SPAG16: variants seen among roughly 807,000 people sequenced by gnomAD.
SPAG16 encodes sperm associated antigen 16.
SPAG16 carries 86 observed loss-of-function variants against 80.4 expected under a neutral mutation model. The ratio of observed to expected loss-of-function variants is 1.07; its 90% confidence interval spans 0.90 to 1.28. The LOEUF (loss-of-function observed/expected upper bound fraction) is 1.28. Ranked by LOEUF, SPAG16 falls within the 50% of genes most tolerant of loss-of-function variation. The pLI is 0.00. For missense variants in SPAG16, 870 were observed against 765.3 expected, an observed-to-expected ratio of 1.14 and a Z score of -1.61; for synonymous variants, 294 against 265.9, an observed-to-expected ratio of 1.11 and a Z score of -1.03.
intron 9 of SPAG16, among the ~76,000 whole-genome samples, chr2:213,486,786 G>A (rs1229435072): frequency 6.6e-6 from 1 of 151,960 alleles, no homozygotes; most frequent in East Asian, 1.9e-4. Context: ...GATTAATATA[G>A]AATTATTTCA....
chr2:213,519,168 TA>T (rs1343092211), intron 10 of SPAG16, among the ~76,000 whole-genome samples: 1 of 152,200 alleles, frequency 6.6e-6, no homozygotes, highest in African/African-American at 2.4e-5. Context: ...CCTCTGTATC[TA>T]AAAAAAGGTA....
At chr2:213,436,273 G>A (rs1270957663) in intron 9 of SPAG16, among the ~76,000 whole-genome samples, 1 of 152,196 alleles carries the variant, frequency 6.6e-6, no homozygotes, top group Non-Finnish European at 1.5e-5. Flanking sequence ...TTAAGAGTGA[G>A]GAGAAATATG....
intron 1 of SPAG16, among the ~76,000 whole-genome samples, chr2:213,293,625 T>C (rs893831963): frequency 4.6e-5 from 7 of 152,182 alleles, no homozygotes; most frequent in African/African-American, 1.7e-4. Flanking sequence ...TGGAAATGGA[T>C]CCTGTTGCCT....
chr2:214,387,121 T>G (rs995799393), intron 15 of SPAG16, among the ~76,000 whole-genome samples: 7 of 152,188 alleles, frequency 4.6e-5, no homozygotes, highest in Middle Eastern at 3.2e-3. Context: ...ATTTTAAGAT[T>G]TAGCTCAAAG....
chr2:214,172,519 G>C (rs1432349358), intron 15 of SPAG16, among the ~76,000 whole-genome samples: 4 of 152,074 alleles, frequency 2.6e-5, no homozygotes, highest in Admixed American at 2.6e-4. Context: ...ATTTGGGTTG[G>C]TTCCAAGTCT....
intron 10 of SPAG16, among the ~76,000 whole-genome samples, chr2:213,565,168 C>G (rs949333724): frequency 1.3e-5 from 2 of 152,136 alleles, no homozygotes; most frequent in African/African-American, 2.4e-5. Context: ...ATTTGTTTAC[C>G]TTCTCTTCTC....
intron 15 of SPAG16, among the ~76,000 whole-genome samples, chr2:214,347,619 T>C (rs544794166): frequency 6.6e-6 from 1 of 152,308 alleles, no homozygotes; most frequent in African/African-American, 2.4e-5. Flanking sequence ...TGCTAGACCA[T>C]AGTGCTTCTA....
chr2:213,756,713 C>T (rs562331908), intron 10 of SPAG16, among the ~76,000 whole-genome samples: 11 of 152,082 alleles, frequency 7.2e-5, no homozygotes, highest in South Asian at 4.2e-4. Flanking sequence ...TAAAATTTAA[C>T]GGCCTAGGAT....
At chr2:213,909,019 G>A (rs2077545929) in intron 11 of SPAG16, among the ~76,000 whole-genome samples, 1 of 150,822 alleles carries the variant, frequency 6.6e-6, no homozygotes, top group African/African-American at 2.4e-5. Context: ...GTGAGAACAT[G>A]CGGTGTTTGT....
In SPAG16 at chr2:213,334,160, A is replaced by C. The variant is rs562379928; in HGVS notation, c.537-6003A>C. On this transcript the variant is annotated intron_variant, in intron 5 of 15. Transcript: ENST00000331683. ...AAAAAAATGGACAAAAAATTTGAAC[A>C]GACTTTTCTCTAAAGACATACAAAT... Among the ~76,000 whole-genome samples, 14 of 152,322 alleles carry C rather than the reference A, an allele frequency of 9.2e-5. No homozygotes were observed. The East Asian group carries it at 2.5e-3, about 27-fold the overall frequency.
chr2:214,137,603 G>T (rs2055129640), intron 14 of SPAG16, among the ~76,000 whole-genome samples: 1 of 152,036 alleles, frequency 6.6e-6, no homozygotes, highest in African/African-American at 2.4e-5. Context: ...TACTCTAGTA[G>T]TTTTGAGAAA....
At position 213,292,593 on chromosome 2, in the gene SPAG16, G is replaced by T. The variant is rs1050956933; in HGVS notation, c.137-3471G>T. 1.4e-5 allele frequency among the ~76,000 whole-genome samples: 2 copies of T among 147,570 alleles called. 1 individual carries two copies. Among genetic ancestry groups the T allele is most frequent in the Admixed American group, 1.3e-4 (2 of 14,908 alleles). ...GCAGGAGAATGGCGTGAACCCGGGA[G>T]GCGGAGCTTGCAGTGAGCCGAGATC... On this transcript the variant is annotated intron_variant, in intron 1 of 15. Coordinates refer to ENST00000331683, the MANE Select transcript of SPAG16 (RefSeq NM_024532.5).
At chr2:214,287,155 G>A (rs1693425532) in intron 15 of SPAG16, among the ~76,000 whole-genome samples, 1 of 152,048 alleles carries the variant, frequency 6.6e-6, no homozygotes, top group South Asian at 2.1e-4. Flanking sequence ...ATCATGCATG[G>A]CCTGTTACTT....
At chr2:214,066,616 T>C in intron 13 of SPAG16, among the ~76,000 whole-genome samples, 1 of 152,084 alleles carries the variant, frequency 6.6e-6, no homozygotes, top group East Asian at 1.9e-4. Flanking sequence ...CAGGACAATA[T>C]TTGCAGCAAC....
chr2:214,318,464 C>A (rs1695850619), intron 15 of SPAG16, among the ~76,000 whole-genome samples: 1 of 148,868 alleles, frequency 6.7e-6, no homozygotes, highest in Non-Finnish European at 1.5e-5. Context: ...TCGCTGCAAC[C>A]TCCGCCTCCT....
At chr2:213,644,498 C>A (rs2062746301) in intron 10 of SPAG16, among the ~76,000 whole-genome samples, 1 of 152,190 alleles carries the variant, frequency 6.6e-6, no homozygotes, top group Admixed American at 6.5e-5. Flanking sequence ...CTTGGGAAAG[C>A]TTTCCAGATA....
intron 9 of SPAG16, among the ~76,000 whole-genome samples, chr2:213,464,481 G>T (rs1229166284): frequency 6.6e-6 from 1 of 152,198 alleles, no homozygotes; most frequent in African/African-American, 2.4e-5. Context: ...GGAGCCCAAA[G>T]TGAGGAATTA....
intron 10 of SPAG16, among the ~76,000 whole-genome samples, chr2:213,778,667 C>T (rs549035410): frequency 1.3e-5 from 2 of 152,210 alleles, no homozygotes; most frequent in African/African-American, 2.4e-5. Flanking sequence ...ATCTTTCTCT[C>T]CCTTCTGTTC....
intron 15 of SPAG16, among the ~76,000 whole-genome samples, chr2:214,163,653 A>AG (rs1559096426): frequency 9.1e-6 from 1 of 109,402 alleles, no homozygotes; most frequent in East Asian, 2.4e-4. Flanking sequence ...GAGAGAGAGA[A>AG]AGAGAGAGAG....
Sources: gnomAD v4.1 joint callset for allele counts (sites outside exome capture counted in the v4.1 genomes callset) on GRCh38, gnomAD v4.1.1 for gene constraint, MANE v1.5 for transcripts, NCBI Gene and HGNC (gene_info 2026-07-23, HGNC 2026-07-21) for gene names.